MTIF2: variants seen among roughly 807,000 people sequenced by gnomAD.
The protein encoded by MTIF2 is mitochondrial translational initiation factor 2, also known as translation initiation factor IF-2, mitochondrial.
A neutral mutation model predicts 83.5 loss-of-function variants in MTIF2; 71 were observed. The ratio of observed to expected loss-of-function variants is 0.85; its 90% confidence interval spans 0.70 to 1.04. The LOEUF is 1.04. MTIF2 is among the 50% of genes least tolerant of loss of function. The pLI is 0.00. For missense variants in MTIF2, 957 were observed against 846.5 expected, an observed-to-expected ratio of 1.13 and a Z score of -1.62; for synonymous variants, 319 against 287.1, an observed-to-expected ratio of 1.11 and a Z score of -1.12.
At position 55,246,362 on chromosome 2, in the gene MTIF2, C is replaced by G; in HGVS notation, c.1081G>C (p.Glu361Gln). The G allele has an allele frequency of 3.7e-6, 6 of 1,613,952 alleles. No homozygotes were observed. Among genetic ancestry groups the G allele is most frequent in the East Asian group, 2.2e-5 (1 of 44,856 alleles). ...CCTCTTCCTTTGTCTGTGAAAGACT[C>G]TATTACTGTTCCTTCCACTGGACCA... ...PNGPVEGTVI[E>Q]SFTDKGRGLV... Residue 361 changes from glutamate to glutamine, a missense_variant, in exon 10 of 16, where the codon GAG becomes CAG. By Grantham distance (29) the Glu-to-Gln change is conservative. This residue lies in a region of MTIF2 where 733 missense variants were observed against 648.7 expected (regional missense o/e 1.13). Transcript: ENST00000263629.
At chr2:55,261,532 G>C (rs56384563) in intron 5 of MTIF2, among the ~76,000 whole-genome samples, 105,712 of 151,570 alleles carry the variant, frequency 0.7, 38,111 homozygotes, top group Non-Finnish European at 0.79. Flanking sequence ...ACTTGAACCT[G>C]GGAGGCGGAG....
Position 55,240,081 on chromosome 2 carries a change from G to T in MTIF2, c.1800C>A (p.Tyr600Ter), listed in dbSNP as rs770383038. Residue 600 changes from tyrosine (Y) to a stop codon, truncating the protein, a stop_gained, in exon 14 of 16, where the codon TAC becomes TAA. Transcript: ENST00000263629. LOFTEE classifies it high-confidence loss of function. Reference protein sequence around the residue: ...GVKIKLHKIIYRLVEDLQEEL... With the variant: ...GVKIKLHKII Reference sequence around the variant, plus strand: ...CCTCTTGCAAATCTTCAACAAGACGGTAAATTATTTTGTGAAGTTTAATTT... The same window carrying T: ...CCTCTTGCAAATCTTCAACAAGACGTTAAATTATTTTGTGAAGTTTAATTT... 1 of 1,613,736 alleles carries T rather than the reference G, an allele frequency of 6.2e-7. No individual in the cohort carries two copies. The highest frequency in any genetic ancestry group is 8.5e-7 in the Non-Finnish European group (1 of 1,179,974).
Position 55,252,376 on chromosome 2 carries a change from T to A in MTIF2, c.841+101A>T, listed in dbSNP as rs920121859. On this transcript the variant is annotated intron_variant, in intron 8 of 15. Coordinates refer to ENST00000263629, the MANE Select transcript of MTIF2 (RefSeq NM_002453.3). ...TTGAGGCTTATCTGTAATACACGTATAATAACTCTGGGATTGTTGTGAAGA... is the reference window on the plus strand; with the variant it reads ...TTGAGGCTTATCTGTAATACACGTAAAATAACTCTGGGATTGTTGTGAAGA... The A allele has an allele frequency of 4.0e-6, 4 of 1,006,138 alleles. No individual in the cohort carries two copies. In the African/African-American group the frequency reaches 4.8e-5, roughly 12 times the overall value. 62.3% of individuals were successfully genotyped at this position (1,006,138 alleles called of 1,614,324 possible). A position where few individuals can be genotyped will look rare whatever the true frequency, so the allele number is the denominator to read the frequency against.
Position 55,252,602 on chromosome 2 carries a change from G to A in MTIF2, c.716C>T (p.Ala239Val), listed in dbSNP as rs764665140. The change falls in exon 8 of 16, where the codon GCT (alanine) becomes GTT (valine). Residue 239 changes from alanine (A) to valine (V), a missense_variant. Ala to Val is a moderately conservative substitution (Grantham distance 64). Transcript: ENST00000263629. ...TCTGGCTCTCATTGCTGAGAAAGCA[G>A]CATGTCCTGGAGTATCAAGAAAAGT... ...KITFLDTPGH[A>V]AFSAMRARGA... is the part of the protein sequence containing the mutation. 1 of 1,614,126 alleles carries A rather than the reference G, an allele frequency of 6.2e-7. No individual in the cohort carries two copies. Among genetic ancestry groups the A allele is most frequent in the Non-Finnish European group, 8.5e-7 (1 of 1,179,990 alleles).
At position 55,254,246 on chromosome 2, in the gene MTIF2, T is replaced by A. The variant is rs370806178; in HGVS notation, c.504-45A>T. The A allele has an allele frequency of 1.4e-4, 226 of 1,590,556 alleles. No homozygotes were observed. In the South Asian group the frequency reaches 2.0e-3, roughly 14 times the overall value. ...AGTTTCATTTCTTAAATATCAGAAATACTTTATAGCCTGTGAATTGGTTCA... is the reference window on the plus strand; with the variant it reads ...AGTTTCATTTCTTAAATATCAGAAAAACTTTATAGCCTGTGAATTGGTTCA... On this transcript the variant is annotated intron_variant, in intron 6 of 15. Coordinates refer to ENST00000263629, the MANE Select transcript of MTIF2 (RefSeq NM_002453.3).
chr2:55,240,222 A>G (rs1218426996), intron 13 of MTIF2, 47 bp from the exon 14 acceptor site: 6 of 1,448,094 alleles, frequency 4.1e-6, no homozygotes, highest in Non-Finnish European at 5.7e-6. Flanking sequence ...CGATTACATT[A>G]TAATCATTTA....
chr2:55,244,241 GAAAAT>G lies in MTIF2; in HGVS notation c.1107-13_1107-9del, dbSNP rs777018311. The G allele has an allele frequency of 6.9e-6, 11 of 1,587,556 alleles. No homozygotes were observed. The highest frequency in any genetic ancestry group is 2.2e-5 in the East Asian group (1 of 44,700). On this transcript the variant is annotated splice_polypyrimidine_tract_variant and intron_variant, in intron 10 of 15. Transcript: ENST00000263629. The stretch of plus-strand genomic sequence containing the variant: ...ATAGCTGTAGTAACAAGACTAAAAT[GAAAAT>G]AAAAGTATATTTTCAATGTCATAAT...
At chr2:55,237,839 C>T (rs1320846542) in intron 14 of MTIF2, among the ~76,000 whole-genome samples, 2 of 151,476 alleles carry the variant, frequency 1.3e-5, no homozygotes, top group South Asian at 4.2e-4. Flanking sequence ...TTAGTAGAGA[C>T]GGGGTTTCAC....
Position 55,258,812 on chromosome 2 carries a change from A to G in MTIF2, c.331+3504T>C, listed in dbSNP as rs1451556004. Among the ~76,000 whole-genome samples, 4 of 90,112 alleles carry G rather than the reference A, an allele frequency of 4.4e-5. No homozygotes were observed. In the Admixed American group the frequency reaches 5.1e-4, roughly 12 times the overall value. 59.1% of individuals were successfully genotyped at this position (90,112 alleles called of 152,430 possible). On this transcript the variant is annotated intron_variant, in intron 5 of 15. Transcript: ENST00000263629. ...AGGTGACAGAGCAAGCCTCTGTCTCAAAAAAAAAAAAAAAAAAAAAATTAG... is the reference window on the plus strand; with the variant it reads ...AGGTGACAGAGCAAGCCTCTGTCTCGAAAAAAAAAAAAAAAAAAAAATTAG...
At chr2:55,243,783 C>G in intron 11 of MTIF2, 115 bp from the exon 12 acceptor site, 2 of 1,152,358 alleles carry the variant, frequency 1.7e-6, no homozygotes, top group Non-Finnish European at 2.4e-6. Flanking sequence ...GAAACTACTA[C>G]TTTTATAAGT....
chr2:55,252,798 C>A (rs577185890), intron 7 of MTIF2, 145 bp from the exon 8 acceptor site: 5 of 564,826 alleles, frequency 8.9e-6, no homozygotes, highest in Non-Finnish European at 1.2e-5. Flanking sequence ...GAACACAGAT[C>A]ATCATTTCAC....
At chr2:55,261,392 G>A (rs1677974969) in intron 5 of MTIF2, among the ~76,000 whole-genome samples, 1 of 151,846 alleles carries the variant, frequency 6.6e-6, no homozygotes, top group Admixed American at 6.6e-5. Flanking sequence ...GATCACTTGA[G>A]GTCAGGAATT....
At chr2:55,242,142 CAAA>C (rs57923810) in intron 13 of MTIF2, among the ~76,000 whole-genome samples, 1 of 88,630 alleles carries the variant, frequency 1.1e-5, no homozygotes, top group Non-Finnish European at 2.6e-5. Context: ...GCTCTGTCTC[CAAA>C]AAAAAAAAAA....
Position 55,244,222 on chromosome 2 carries a change from G to A in MTIF2, c.1118C>T (p.Thr373Ile). The A allele has an allele frequency of 6.2e-7, 1 of 1,610,754 alleles. No individual in the cohort carries two copies. Among genetic ancestry groups the A allele is most frequent in the Non-Finnish European group, 8.5e-7 (1 of 1,177,240 alleles). ...TAAAGTTCCTCTTTGAATTATAGCT[G>A]TAGTAACAAGACTAAAATGAAAATA... Reference protein sequence around the residue: ...FTDKGRGLVTTAIIQRGTLRK... With the variant: ...FTDKGRGLVTIAIIQRGTLRK... The change falls in exon 11 of 16, where the codon ACA (threonine) becomes ATA (isoleucine). Residue 373 changes from threonine to isoleucine, a missense_variant. Around this residue, in one of 3 missense-constraint regions of MTIF2, gnomAD observed 733 missense variants for 648.7 expected, o/e 1.13. Transcript: ENST00000263629.
intron 9 of MTIF2, among the ~76,000 whole-genome samples, chr2:55,247,141 T>C (rs931696903): frequency 6.6e-6 from 1 of 152,122 alleles, no homozygotes. Flanking sequence ...TTTACTGTGC[T>C]CTCTAGGGCT....
rs781636398 is a variant in MTIF2 at position 55,243,541 on chromosome 2, T to A, written c.1439A>T (p.Lys480Met). 58 of 1,614,028 alleles carry A rather than the reference T, an allele frequency of 3.6e-5. No individual in the cohort carries two copies. Among genetic ancestry groups the A allele is most frequent in the Non-Finnish European group, 4.5e-5 (53 of 1,180,020 alleles). Reference sequence around the variant, plus strand: ...CTTCTTCCACAGTAGATGGCCATACTTCTCACGGGCTTTCTGATGTGCTTC... The same window carrying A: ...CTTCTTCCACAGTAGATGGCCATACATCTCACGGGCTTTCTGATGTGCTTC... ...HKEAHQKARE[K>M]YGHLLWKKRS... Residue 480 changes from lysine to methionine, a missense_variant, in exon 12 of 16, where the codon AAG becomes ATG. Physicochemically the swap from Lys to Met is moderately conservative, Grantham distance 95. This residue lies in a region of MTIF2 where 733 missense variants were observed against 648.7 expected (regional missense o/e 1.13). Coordinates refer to ENST00000263629, the MANE Select transcript of MTIF2 (RefSeq NM_002453.3).
At chr2:55,242,402 T>A (rs1676389789) in intron 13 of MTIF2, among the ~76,000 whole-genome samples, 1 of 152,230 alleles carries the variant, frequency 6.6e-6, no homozygotes, top group Non-Finnish European at 1.5e-5. Flanking sequence ...TTAACAGTCA[T>A]GAGTCCCCCT....
chr2:55,237,256 A>G lies in MTIF2; in HGVS notation c.2011+32T>C, dbSNP rs115232564. On this transcript the variant is annotated intron_variant, in intron 15 of 15. Coordinates refer to ENST00000263629, the MANE Select transcript of MTIF2 (RefSeq NM_002453.3). ...AGTCAACAGGTCTTGGTGACTGGAT[A>G]TGCTATTATAGGAGATTTTGATGTT... 706 of 1,592,280 alleles carry G rather than the reference A, an allele frequency of 4.4e-4. 5 individuals are homozygous for G. In the African/African-American group the frequency reaches 8.8e-3, roughly 20 times the overall value.
intron 13 of MTIF2, 90 bp downstream of exon 13, chr2:55,242,850 G>A (rs780679688): frequency 7.5e-6 from 10 of 1,336,312 alleles, no homozygotes; most frequent in Non-Finnish European, 1.0e-5. Context: ...GTAAATGTCA[G>A]GTGTGACAAG....
Sources: allele counts gnomAD v4.1 joint callset (sites outside exome capture counted in the v4.1 genomes callset), GRCh38; gene constraint gnomAD v4.1.1; regional missense constraint gnomAD v4.1.1; transcripts MANE v1.5; gene names NCBI Gene and HGNC (gene_info 2026-07-23, HGNC 2026-07-21).